The following DMWD variants were observed in gnomAD, a reference collection of about 807,000 sequenced individuals.
DMWD encodes DM1 locus, WD repeat containing, also known as dystrophia myotonica WD repeat-containing protein.
Under a neutral mutation model 45.8 loss-of-function variants are expected in DMWD, and 19 were observed. That is an observed-to-expected ratio of 0.41 (90% CI 0.29 to 0.61). The LOEUF (loss-of-function observed/expected upper bound fraction) is 0.61. Ranked by LOEUF, DMWD falls within the 20% of genes least tolerant of loss-of-function variation. The pLI, the probability that DMWD is intolerant of heterozygous loss-of-function variation, is 0.25. For synonymous variants in DMWD, 515 were observed against 440.5 expected (o/e 1.17, Z -2.12); for missense variants, 802 against 965.2 (o/e 0.83, Z 2.24).
intron 2 of DMWD, among the ~76,000 whole-genome samples, chr19:45,788,538 T>C (rs1387813359): frequency 6.6e-6 from 1 of 152,202 alleles, no homozygotes; most frequent in East Asian, 1.9e-4. Context: ...CCGTTATTTC[T>C]TGGAACTCAT....
At position 45,792,732 on chromosome 19, in the gene DMWD, C is replaced by G; in HGVS notation, c.25G>C (p.Gly9Arg). MAAGGAEG[G>R]SGPGAAMGDC... is the part of the protein sequence containing the mutation. Reference sequence around the variant, plus strand: ...CCCATGGCGGCGCCGGGGCCCGAGCCGCCCTCCGCGCCGCCCGCCGCCATC... The same window carrying G: ...CCCATGGCGGCGCCGGGGCCCGAGCGGCCCTCCGCGCCGCCCGCCGCCATC... The change falls in exon 1 of 5, where the codon GGC (glycine) becomes CGC (arginine). Residue 9 changes from glycine (G) to arginine (R), a missense_variant. Around this residue, in one of 9 missense-constraint regions of DMWD, gnomAD observed 151 missense variants for 128.1 expected, o/e 1.18. Coordinates refer to ENST00000270223, the MANE Select transcript of DMWD (RefSeq NM_004943.2). The G allele has an allele frequency of 8.7e-7, 1 of 1,155,238 alleles. No individual in the cohort carries two copies. Among genetic ancestry groups the G allele is most frequent in the Non-Finnish European group, 1.1e-6 (1 of 934,552 alleles). 71.6% of individuals were successfully genotyped at this position (1,155,238 alleles called of 1,614,324 possible).
chr19:45,788,384 G>A (rs1970310507), intron 2 of DMWD, among the ~76,000 whole-genome samples: 2 of 152,368 alleles, frequency 1.3e-5, no homozygotes, highest in South Asian at 4.1e-4. Flanking sequence ...ATCCCTGGGA[G>A]AACTGAACAA....
At chr19:45,789,726 C>T (rs1163277724) in intron 2 of DMWD, 1 of 152,370 alleles carries the variant, frequency 6.6e-6, no homozygotes, top group Admixed American at 6.5e-5. Context: ...TTGATGAAAA[C>T]TCAAAGAATG....
rs1447597270 is a variant in DMWD at position 45,784,171 on chromosome 19, G to T, written c.*72C>A. On this transcript the variant is annotated 3_prime_UTR_variant, in exon 5 of 5. Coordinates refer to ENST00000270223, the MANE Select transcript of DMWD (RefSeq NM_004943.2). The stretch of plus-strand genomic sequence containing the variant: ...GTTAGTCTTGTTAATACGTTGATCT[G>T]TGAGGTCAGCAGGGAGGGTTATGGC... 7.4e-7 allele frequency: 1 copy of T among 1,345,386 alleles called. No homozygotes were observed. Among genetic ancestry groups the T allele is most frequent in the Admixed American group, 1.8e-5 (1 of 57,118 alleles). The allele number at this position is 1,345,386 out of a possible 1,614,324, so 83.3% of individuals were successfully genotyped here.
In DMWD at chr19:45,784,502, A is replaced by G. The variant is rs192807033; in HGVS notation, c.1977+139T>C. Reference sequence around the variant, plus strand: ...GTCCTGGCAGTCAGCACTTTCACGCAATAATCAAAGTCCTTGGCGGATCCT... The same window carrying G: ...GTCCTGGCAGTCAGCACTTTCACGCGATAATCAAAGTCCTTGGCGGATCCT... On this transcript the variant is annotated intron_variant, in intron 4 of 4. Coordinates refer to ENST00000270223, the MANE Select transcript of DMWD (RefSeq NM_004943.2). 1.0e-3 allele frequency: 1,470 copies of G among 1,433,700 alleles called. 23 individuals are homozygous for G. The highest frequency in any genetic ancestry group is 3.1e-4 in the Admixed American group (14 of 45,772). 88.8% of individuals were successfully genotyped at this position (1,433,700 alleles called of 1,614,324 possible).
rs1245446497 is a variant in DMWD at position 45,785,239 on chromosome 19, T to C, written c.1902+355A>G. Reference sequence around the variant, plus strand: ...TTGGCCTGAAGTACTCAAAAAAGTTTCACGATTTAAAAAACAGATGTTCAA... The same window carrying C: ...TTGGCCTGAAGTACTCAAAAAAGTTCCACGATTTAAAAAACAGATGTTCAA... On this transcript the variant is annotated intron_variant, in intron 3 of 4. Coordinates refer to ENST00000270223, the MANE Select transcript of DMWD (RefSeq NM_004943.2). 1.3e-5 allele frequency: 14 copies of C among 1,055,256 alleles called. No homozygotes were observed. The East Asian group carries it at 3.4e-4, about 26-fold the overall frequency. The allele number at this position is 1,055,256 out of a possible 1,614,324, so 65.4% of individuals were successfully genotyped here. A position where few individuals can be genotyped will look rare whatever the true frequency, so the allele number is the denominator to read the frequency against.
intron 1 of DMWD, 71 bp downstream of exon 1, chr19:45,792,245 G>A (rs1229027722): frequency 2.4e-5 from 36 of 1,525,732 alleles, no homozygotes; most frequent in East Asian, 2.6e-5. Flanking sequence ...ATCAATTCGG[G>A]GACCCTCCTA....
chr19:45,792,646 C>T lies in DMWD; in HGVS notation c.111G>A (p.Pro37=). The T allele has an allele frequency of 7.5e-7, 1 of 1,334,966 alleles. No homozygotes were observed. The highest frequency in any genetic ancestry group is 1.6e-5 in the South Asian group (1 of 64,242). 82.7% of individuals were successfully genotyped at this position (1,334,966 alleles called of 1,614,324 possible). A position where few individuals can be genotyped will look rare whatever the true frequency, so the allele number is the denominator to read the frequency against. The change falls in exon 1 of 5, where the codon CCG becomes CCA. Residue 37 remains proline (P), a synonymous_variant. Coordinates refer to ENST00000270223, the MANE Select transcript of DMWD (RefSeq NM_004943.2). ...CCGACCTGCGAGCGGCGCCGTCGCC[C>T]GGGAGTAGCTTGTAGAAACCCTCGC... The part of the protein sequence containing the change: ...RTREGFYKLL[P]GDGAARRSGP...
At chr19:45,786,969 C>T in intron 2 of DMWD, 98 bp from the exon 3 acceptor site, 1 of 1,507,400 alleles carries the variant, frequency 6.6e-7, no homozygotes, top group Non-Finnish European at 8.9e-7. Flanking sequence ...TGGACATGGC[C>T]CCGCTCACAC....
intron 1 of DMWD, among the ~76,000 whole-genome samples, chr19:45,791,770 C>T (rs1970359160): frequency 6.6e-6 from 1 of 151,910 alleles, no homozygotes. Flanking sequence ...AGCTTCCGGA[C>T]GCTCATCTCC....
Position 45,792,765 on chromosome 19 carries a change from C to A in DMWD, c.-9G>T, listed in dbSNP as rs576804249. The stretch of plus-strand genomic sequence containing the variant: ...GCGCCGCCCGCCGCCATCTTGGGCG[C>A]CCCCCGGGCCCCGCCACTGCCGGAC... On this transcript the variant is annotated 5_prime_UTR_variant, in exon 1 of 5. Coordinates refer to ENST00000270223, the MANE Select transcript of DMWD (RefSeq NM_004943.2). 8.9e-7 allele frequency: 1 copy of A among 1,119,420 alleles called. No individual in the cohort carries two copies. 69.3% of individuals were successfully genotyped at this position (1,119,420 alleles called of 1,614,324 possible).
rs759861698 is a variant in DMWD, at chr19:45,784,259, C to A, written c.2009G>T (p.Ser670Ile). 1 of 1,527,922 alleles carries A rather than the reference C, an allele frequency of 6.5e-7. No homozygotes were observed. The highest frequency in any genetic ancestry group is 8.8e-7 in the Non-Finnish European group (1 of 1,138,184). 94.6% of individuals were successfully genotyped at this position (1,527,922 alleles called of 1,614,324 possible). The change falls in exon 5 of 5, where the codon AGT (serine) becomes ATT (isoleucine). Residue 670 changes from serine to isoleucine, a missense_variant. By Grantham distance (142) the Ser-to-Ile change is moderately radical (BLOSUM62 -2). Coordinates refer to ENST00000270223, the MANE Select transcript of DMWD (RefSeq NM_004943.2). ...GISSQPGNSPSGTVV is the reference protein window; with the variant it reads ...GISSQPGNSPIGTVV ...TCCATGGCTTCACACCACTGTGCCA[C>A]TCGGGGAGTTGCCTGGTTGGGAGGA...
intron 3 of DMWD, 36 bp downstream of exon 3, chr19:45,785,558 G>C (rs1297833053): frequency 6.9e-7 from 1 of 1,443,198 alleles, no homozygotes; most frequent in Non-Finnish European, 9.1e-7. Flanking sequence ...GAAAGGTCCT[G>C]CCAGGTCCCC....
intron 2 of DMWD, among the ~76,000 whole-genome samples, chr19:45,787,896 G>C (rs1395338212): frequency 6.6e-6 from 1 of 152,058 alleles, no homozygotes; most frequent in Non-Finnish European, 1.5e-5. Flanking sequence ...TGAAATACAA[G>C]TAGAGATACA....
intron 2 of DMWD, among the ~76,000 whole-genome samples, chr19:45,788,063 C>T (rs1275161099): frequency 5.9e-5 from 9 of 151,836 alleles, no homozygotes; most frequent in Admixed American, 5.2e-4. Context: ...GGCGACAGAG[C>T]GAGACTCCAC....
chr19:45,785,322 C>G, intron 3 of DMWD: 1 of 1,211,038 alleles, frequency 8.3e-7, no homozygotes, highest in African/African-American at 1.6e-5. Flanking sequence ...TGGGGCCCAT[C>G]TGCTGCCCTT....
chr19:45,786,998 C>G, intron 2 of DMWD, 127 bp from the exon 3 acceptor site: 1 of 1,453,686 alleles, frequency 6.9e-7, no homozygotes, highest in Non-Finnish European at 9.2e-7. Context: ...CCACACCAGG[C>G]CCAGGTCCTC....
intron 4 of DMWD, 63 bp downstream of exon 4, chr19:45,784,578 A>AGCT: frequency 6.2e-7 from 1 of 1,612,952 alleles, no homozygotes; most frequent in Non-Finnish European, 8.5e-7. Flanking sequence ...GGGAAACTGG[A>AGCT]GCTCCCTTCT....
At chr19:45,785,317 C>T in intron 3 of DMWD, 1 of 1,204,816 alleles carries the variant, frequency 8.3e-7, no homozygotes. Flanking sequence ...CCATGTGGGG[C>T]CCATCTGCTG....
Sources: gnomAD v4.1 joint callset for allele counts (sites outside exome capture counted in the v4.1 genomes callset) on GRCh38, gnomAD v4.1.1 for gene constraint, gnomAD v4.1.1 regional missense constraint, MANE v1.5 for transcripts, NCBI Gene and HGNC (gene_info 2026-07-23, HGNC 2026-07-21) for gene names.